The following KY variants were observed in gnomAD, a reference collection of about 807,000 sequenced individuals.
KY encodes kyphoscoliosis peptidase.
A neutral mutation model predicts 76.1 loss-of-function variants in KY; 43 were observed. That is an observed-to-expected ratio of 0.57 (90% CI 0.44 to 0.73). The LOEUF is 0.73. KY is among the 30% of genes least tolerant of loss of function. The pLI is 0.00. For synonymous variants in KY, 277 were observed against 326.2 expected (o/e 0.85, Z 1.63); for missense variants, 722 against 828.9 (o/e 0.87, Z 1.58).
chr3:134,615,370 T>TTC (rs1491351544), intron 8 of KY: 1 of 149,740 alleles, frequency 6.7e-6, no homozygotes, highest in Non-Finnish European at 1.5e-5. Flanking sequence ...TTTTTTTTTT[T>TTC]CACGTGTGAA....
At chr3:134,649,571 T>C (rs2108056198) in intron 1 of KY, among the ~76,000 whole-genome samples, 1 of 152,314 alleles carries the variant, frequency 6.6e-6, no homozygotes, top group East Asian at 1.9e-4. Flanking sequence ...CCATTTCCCC[T>C]TCTCCCAAGA....
At chr3:134,618,217 G>A (rs1358610759) in intron 8 of KY, among the ~76,000 whole-genome samples, 2 of 152,128 alleles carry the variant, frequency 1.3e-5, no homozygotes, top group East Asian at 3.9e-4. Context: ...GGGGGTTTGG[G>A]CCAGGAATAG....
Position 134,604,281 on chromosome 3 carries a change from C to A in KY, c.1284G>T (p.Val428=), listed in dbSNP as rs1167894756. The A allele has an allele frequency of 1.2e-6, 2 of 1,614,010 alleles. No individual in the cohort carries two copies. Among genetic ancestry groups the A allele is most frequent in the South Asian group, 2.2e-5 (2 of 91,074 alleles). ...AKGNSDIYSS[V]LEYTLKCNYV... is the part of the protein sequence containing the mutation. ...AATTGCACTTGAGCGTGTACTCCAG[C>A]ACTGAGCTGTAGATGTCGGAGTTGC... Residue 428 remains valine, a synonymous_variant, in exon 11 of 11, where the codon GTG becomes GTT. Coordinates refer to ENST00000423778, the MANE Select transcript of KY (RefSeq NM_178554.6).
intron 2 of KY, among the ~76,000 whole-genome samples, chr3:134,644,129 C>G (rs1224214856): frequency 6.6e-6 from 1 of 152,190 alleles, no homozygotes; most frequent in East Asian, 1.9e-4. Context: ...CCGGCCGAGC[C>G]TCCTGCTTCT....
intron 3 of KY, among the ~76,000 whole-genome samples, chr3:134,635,279 T>G (rs1294192131): frequency 6.6e-6 from 1 of 152,032 alleles, no homozygotes; most frequent in African/African-American, 2.4e-5. Context: ...GGTGGATCAC[T>G]TGAGGTCAGG....
chr3:134,620,838 A>C lies in KY; in HGVS notation c.503T>G (p.Leu168Arg), dbSNP rs761035327. 6.2e-7 allele frequency: 1 copy of C among 1,612,400 alleles called. No individual in the cohort carries two copies. Among genetic ancestry groups the C allele is most frequent in the South Asian group, 1.1e-5 (1 of 90,604 alleles). Reference sequence around the variant, plus strand: ...GAGCAGGTCACTCACCAGTTCGTCTAGGCCACTCTTGGCTGTCACCTGGGG... The same window carrying C: ...GAGCAGGTCACTCACCAGTTCGTCTCGGCCACTCTTGGCTGTCACCTGGGG... ...YASQVTAKSGLDELVSDLLQE... is the reference protein window; with the variant it reads ...YASQVTAKSGRDELVSDLLQE... Residue 168 changes from leucine (L) to arginine (R), a missense_variant, in exon 7 of 11, where the codon CTA (leucine) becomes CGA (arginine). Leu to Arg is a moderately radical substitution (Grantham distance 102). This residue lies in a region of KY where 552 missense variants were observed against 680.9 expected (regional missense o/e 0.81). Coordinates refer to ENST00000423778, the MANE Select transcript of KY (RefSeq NM_178554.6).
chr3:134,647,622 T>C, intron 1 of KY, 125 bp from the exon 2 acceptor site: 1 of 601,030 alleles, frequency 1.7e-6, no homozygotes, highest in Non-Finnish European at 3.0e-6. Context: ...TGAGAGAGGC[T>C]ACCCATGAAT....
intron 1 of KY, among the ~76,000 whole-genome samples, chr3:134,648,461 G>C (rs376791542): frequency 3.9e-5 from 6 of 152,164 alleles, no homozygotes; most frequent in African/African-American, 1.4e-4. Flanking sequence ...AGACTTCAAA[G>C]CTCATTGGGT....
intron 1 of KY, among the ~76,000 whole-genome samples, chr3:134,649,355 T>G (rs1252476788): frequency 6.6e-6 from 1 of 152,318 alleles, no homozygotes; most frequent in East Asian, 1.9e-4. Context: ...TCTGCATTCT[T>G]TGCCCTTTCT....
At chr3:134,604,679 C>T (rs983931511) in intron 10 of KY, among the ~76,000 whole-genome samples, 3 of 152,178 alleles carry the variant, frequency 2.0e-5, no homozygotes, top group Non-Finnish European at 4.4e-5. Flanking sequence ...GGCAGCACAC[C>T]GCTGGAAGGG....
At position 134,650,954 on chromosome 3, in the gene KY, G is replaced by A. The variant is rs1313793591; in HGVS notation, c.7C>T (p.Leu3=). The A allele has an allele frequency of 6.2e-7, 1 of 1,613,218 alleles. No homozygotes were observed. The highest frequency in any genetic ancestry group is 8.5e-7 in the Non-Finnish European group (1 of 1,179,476). The change falls in exon 1 of 11, where the codon CTG becomes TTG. Residue 3 remains leucine (L), a synonymous_variant. Transcript: ENST00000423778. ...GATACAGCGTTGATGTCCTTCTTCA[G>A]CTCCATGATGCCGCCTCCTTTCCGA... The part of the protein sequence containing the change: ME[L]KKDINAVSID...
At chr3:134,647,011 C>T (rs2108036052) in intron 2 of KY, among the ~76,000 whole-genome samples, 1 of 152,296 alleles carries the variant, frequency 6.6e-6, no homozygotes, top group Middle Eastern at 3.4e-3. Flanking sequence ...CAGCAGGGAG[C>T]TATAGAACCC....
At chr3:134,634,166 T>G (rs1343891713) in intron 3 of KY, among the ~76,000 whole-genome samples, 2 of 152,190 alleles carry the variant, frequency 1.3e-5, no homozygotes, top group Non-Finnish European at 2.9e-5. Flanking sequence ...GACTTAAAAT[T>G]GTCAAGTGGG....
At chr3:134,640,161 G>C (rs1017628091) in intron 3 of KY, among the ~76,000 whole-genome samples, 2 of 143,212 alleles carry the variant, frequency 1.4e-5, no homozygotes, top group African/African-American at 5.0e-5. Context: ...AGAAAATGTT[G>C]AACCATTCCG....
At chr3:134,608,186 G>C (rs1024135148) in intron 10 of KY, 4 of 1,168,696 alleles carry the variant, frequency 3.4e-6, no homozygotes, top group Admixed American at 3.8e-5. Context: ...GCAGGAGTTG[G>C]GGAAGAGAAC....
intron 5 of KY, among the ~76,000 whole-genome samples, chr3:134,627,369 G>A (rs1291936437): frequency 6.6e-6 from 1 of 152,196 alleles, no homozygotes; most frequent in African/African-American, 2.4e-5. Context: ...AACCCAGGCT[G>A]TCTATCATCC....
chr3:134,616,296 C>T (rs1028380891), intron 8 of KY, among the ~76,000 whole-genome samples: 8 of 152,162 alleles, frequency 5.3e-5, no homozygotes, highest in African/African-American at 1.9e-4. Flanking sequence ...CTGAATTCCT[C>T]CCCAAATTAC....
intron 3 of KY, among the ~76,000 whole-genome samples, chr3:134,636,630 C>G (rs1965012618): frequency 6.6e-6 from 1 of 152,210 alleles, no homozygotes; most frequent in African/African-American, 2.4e-5. Flanking sequence ...CACCCAAGAC[C>G]CAAGATCAGC....
chr3:134,617,633 A>G (rs1961805124), intron 8 of KY, among the ~76,000 whole-genome samples: 1 of 152,244 alleles, frequency 6.6e-6, no homozygotes, highest in African/African-American at 2.4e-5. Flanking sequence ...TTTATAAACC[A>G]TCTACAATGA....
Sources: gnomAD v4.1 joint callset for allele counts (sites outside exome capture counted in the v4.1 genomes callset) on GRCh38, gnomAD v4.1.1 for gene constraint, gnomAD v4.1.1 regional missense constraint, MANE v1.5 for transcripts, NCBI Gene and HGNC (gene_info 2026-07-23, HGNC 2026-07-21) for gene names.